Variants in LYST observed in about 807,000 individuals in gnomAD.
LYST encodes lysosomal trafficking regulator.
A neutral mutation model predicts 413.6 loss-of-function variants in LYST; 192 were observed. That is an observed-to-expected ratio of 0.46 (90% CI 0.41 to 0.52). The LOEUF (loss-of-function observed/expected upper bound fraction) is 0.52. LYST is among the 20% of genes least tolerant of loss of function. LYST has a pLI of 0.00. For missense variants in LYST, 3,815 were observed against 4,499.9 expected, an observed-to-expected ratio of 0.85 and a Z score of 4.35; for synonymous variants, 1,525 against 1,567.3, an observed-to-expected ratio of 0.97 and a Z score of 0.64.
At chr1:235,840,774 T>G (rs956388626) in intron 1 of LYST, among the ~76,000 whole-genome samples, 8 of 152,170 alleles carry the variant, frequency 5.3e-5, no homozygotes, top group African/African-American at 1.9e-4. Flanking sequence ...GAAAACCAAT[T>G]TGGAGACTGG....
At chr1:235,823,245 C>T (rs1674966170) in intron 3 of LYST, among the ~76,000 whole-genome samples, 1 of 152,200 alleles carries the variant, frequency 6.6e-6, no homozygotes, top group Non-Finnish European at 1.5e-5. Context: ...ACTGTGATCA[C>T]ACTCTCACTA....
intron 40 of LYST, among the ~76,000 whole-genome samples, chr1:235,717,509 C>T (rs1300840307): frequency 6.6e-6 from 1 of 152,032 alleles, no homozygotes; most frequent in Non-Finnish European, 1.5e-5. Context: ...ATGTGGTGTC[C>T]CTGTGTGGCA....
At chr1:235,836,423 G>A (rs970883802) in intron 1 of LYST, among the ~76,000 whole-genome samples, 7 of 152,170 alleles carry the variant, frequency 4.6e-5, no homozygotes, top group Admixed American at 6.5e-5. Flanking sequence ...TGACAGGAAT[G>A]CTGTTTCAGA....
In LYST at chr1:235,755,463, G is replaced by A. The variant is rs746380562; in HGVS notation, c.7229+15C>T. On this transcript the variant is annotated intron_variant, in intron 25 of 52. Coordinates refer to ENST00000389793, the MANE Select transcript of LYST (RefSeq NM_000081.4). Reference sequence around the variant, plus strand: ...AAAAGATTCCCAATTATAGTGGAGGGAAGAACACACTTACTCTTCATCAAG... The same window carrying A: ...AAAAGATTCCCAATTATAGTGGAGGAAAGAACACACTTACTCTTCATCAAG... 41 of 1,593,696 alleles carry A rather than the reference G, an allele frequency of 2.6e-5. No individual in the cohort carries two copies. Among genetic ancestry groups the A allele is most frequent in the Non-Finnish European group, 3.4e-5 (40 of 1,162,848 alleles).
chr1:235,853,621 T>C (rs564813462), intron 1 of LYST, among the ~76,000 whole-genome samples: 103 of 152,174 alleles, frequency 6.8e-4, no homozygotes, highest in African/African-American at 2.4e-3. Context: ...ATAAACAACA[T>C]TGCCTATTTC....
At chr1:235,816,912 G>GA (rs1397073496) in intron 3 of LYST, among the ~76,000 whole-genome samples, 2 of 152,140 alleles carry the variant, frequency 1.3e-5, no homozygotes, top group African/African-American at 4.8e-5. Context: ...CACAGCAAAG[G>GA]AAACTATCAA....
At chr1:235,828,687 T>A in intron 3 of LYST, 1 of 711,146 alleles carries the variant, frequency 1.4e-6, no homozygotes, top group Non-Finnish European at 1.7e-6. Flanking sequence ...ATGCTATTTA[T>A]ATGGTATATT....
intron 3 of LYST, among the ~76,000 whole-genome samples, chr1:235,824,478 G>A (rs1401459925): frequency 1.3e-5 from 2 of 152,144 alleles, no homozygotes. Flanking sequence ...TGTTACTGAT[G>A]AGGACACTGT....
rs537857840 is a variant in LYST, at chr1:235,662,846, T to C, written c.*94A>G. 3.6e-4 allele frequency: 288 copies of C among 795,080 alleles called. 1 individual carries two copies. In the East Asian group the frequency reaches 6.5e-3, roughly 18 times the overall value. The allele number at this position is 795,080 out of a possible 1,614,324, so 49.3% of individuals were successfully genotyped here. A position where few individuals can be genotyped will look rare whatever the true frequency, so the allele number is the denominator to read the frequency against. ...ATTATTTGGATGGTTTGTCCAGTCA[T>C]CCATTTCTTTAGGTTCAACCTCCTA... On this transcript the variant is annotated 3_prime_UTR_variant, in exon 53 of 53. Transcript: ENST00000389793.
intron 28 of LYST, among the ~76,000 whole-genome samples, chr1:235,748,469 TAAAAG>T (rs1018916954): frequency 1.3e-5 from 2 of 152,118 alleles, no homozygotes; most frequent in African/African-American, 4.8e-5. Context: ...TCATTAAAAA[TAAAAG>T]AATATTTATG....
At chr1:235,738,764 T>C in intron 31 of LYST, 2 of 1,222,818 alleles carry the variant, frequency 1.6e-6, no homozygotes, top group Non-Finnish European at 2.4e-6. Flanking sequence ...TTGGACTCTC[T>C]GTGGCAGATT....
chr1:235,835,710 A>G (rs758202528), intron 1 of LYST, among the ~76,000 whole-genome samples: 2 of 152,170 alleles, frequency 1.3e-5, no homozygotes, highest in Non-Finnish European at 2.9e-5. Context: ...GGTGTCCAGA[A>G]CATCTGGAAG....
At position 235,759,268 on chromosome 1, in the gene LYST, C is replaced by T; in HGVS notation, c.6585G>A (p.Leu2195=). ...GATCTGCTTTGACCACTGGAAATCC[C>T]AGCACTCCCTTTGGGACATCACTGA... ...VSVSDVPKGV[L]GFPVVKADHK... is the part of the protein sequence containing the mutation. The change falls in exon 23 of 53, where the codon CTG becomes CTA. Residue 2195 remains leucine, a synonymous_variant. Coordinates refer to ENST00000389793, the MANE Select transcript of LYST (RefSeq NM_000081.4). 2 of 1,614,172 alleles carry T rather than the reference C, an allele frequency of 1.2e-6. No individual in the cohort carries two copies. Among genetic ancestry groups the T allele is most frequent in the South Asian group, 2.2e-5 (2 of 91,088 alleles).
chr1:235,697,426 C>T (rs1375883622), intron 45 of LYST, among the ~76,000 whole-genome samples, 154 bp from the exon 46 acceptor site: 2 of 152,072 alleles, frequency 1.3e-5, no homozygotes, highest in East Asian at 3.9e-4. Context: ...TTTACTTCCC[C>T]ATGCTTAGCG....
rs1351091071 is a variant in LYST at position 235,664,075 on chromosome 1, T to C, written c.11196-20A>G. On this transcript the variant is annotated intron_variant, in intron 51 of 52. Transcript: ENST00000389793. This position sits in a 1 kb window ranked among gnomAD's most constrained non-coding sequence, Gnocchi z 4.5. The stretch of plus-strand genomic sequence containing the variant: ...CATAACCTAGAGGGGAAAAAAATCA[T>C]CTAATTATGCAAACTAAAATTACTC... 4 of 1,571,540 alleles carry C rather than the reference T, an allele frequency of 2.5e-6. No individual in the cohort carries two copies. The highest frequency in any genetic ancestry group is 1.8e-6 in the Non-Finnish European group (2 of 1,141,310).
At chr1:235,729,706 T>C (rs762958384) in intron 36 of LYST, 49 bp from the exon 37 acceptor site, 23 of 1,274,066 alleles carry the variant, frequency 1.8e-5, no homozygotes, top group Non-Finnish European at 2.6e-5. Context: ...CTGACCAATT[T>C]CAGAGAGGAT....
Position 235,729,602 on chromosome 1 carries a change from A to G in LYST, c.9100T>C (p.Leu3034=). The G allele has an allele frequency of 6.2e-7, 1 of 1,607,008 alleles. No homozygotes were observed. Residue 3034 remains leucine (L), a synonymous_variant, in exon 37 of 53, where the codon TTA becomes CTA. Transcript: ENST00000389793. ...TCTTCAAAATTTGACTTACCTAGTA[A>G]CAATTCACCAGCTGTCTCTCTAGAT... is the stretch of plus-strand genomic sequence containing the variant. ...APSRETAGEL[L]LGKCGMYFVE...
intron 25 of LYST, 51 bp downstream of exon 25, chr1:235,755,427 A>G (rs971960215): frequency 3.4e-6 from 5 of 1,456,818 alleles, no homozygotes; most frequent in Non-Finnish European, 4.8e-6. Flanking sequence ...AGAAAAGAAA[A>G]GAAAAAAGAC....
rs377306581 is a variant in LYST at position 235,664,538 on chromosome 1, C to T, written c.11122G>A (p.Val3708Met). ...HVHCREIICS[V>M]AFSNQPEGVS... ...CCCTCAGGCTGGTTGGAGAAAGCCA[C>T]GGAACAGATGATCTCCCTGCAGTGG... The change falls in exon 51 of 53, where the codon GTG becomes ATG. Residue 3708 changes from valine (V) to methionine (M), a missense_variant. Around this residue, in one of 4 missense-constraint regions of LYST, gnomAD observed 866 missense variants for 1,156.0 expected, o/e 0.75. Coordinates refer to ENST00000389793, the MANE Select transcript of LYST (RefSeq NM_000081.4). The surrounding 1 kb of genome is among the most constrained non-coding windows in gnomAD (Gnocchi z 4.5). 4.0e-5 allele frequency: 64 copies of T among 1,614,134 alleles called. No individual in the cohort carries two copies. The highest frequency in any genetic ancestry group is 6.7e-5 in the Admixed American group (4 of 60,018).
Sources: gnomAD v4.1 joint callset for allele counts (sites outside exome capture counted in the v4.1 genomes callset) on GRCh38, gnomAD v4.1.1 for gene constraint, gnomAD v4.1.1 regional missense constraint, Gnocchi (gnomAD v3.1) non-coding constraint, MANE v1.5 for transcripts, NCBI Gene and HGNC (gene_info 2026-07-23, HGNC 2026-07-21) for gene names.